CSMD1: variants seen among roughly 807,000 people sequenced by gnomAD.
The protein encoded by CSMD1 is CUB and sushi domain-containing protein 1.
CSMD1 carries 213 observed loss-of-function variants against 417.5 expected under a neutral mutation model. The ratio of observed to expected loss-of-function variants is 0.51; its 90% CI spans 0.46 to 0.57. The LOEUF is 0.57. Among genes scored for constraint, CSMD1 ranks in the 20% least tolerant of loss-of-function variants. CSMD1 has a pLI of 0.00. For synonymous variants in CSMD1, 2,862 were observed against 1,736.8 expected, an observed-to-expected ratio of 1.65 and a Z score of -16.11; for missense variants, 6,923 against 4,529.7, an observed-to-expected ratio of 1.53 and a Z score of -15.17.
intron 3 of CSMD1, among the ~76,000 whole-genome samples, chr8:4,073,122 G>C (rs565201455): frequency 3.3e-5 from 5 of 152,130 alleles, no homozygotes; most frequent in East Asian, 3.9e-4. Flanking sequence ...CATGATTCTA[G>C]AAATTGGCAG....
intron 2 of CSMD1, among the ~76,000 whole-genome samples, chr8:4,632,931 A>C (rs541336349): frequency 6.6e-6 from 1 of 152,340 alleles, no homozygotes; most frequent in East Asian, 1.9e-4. Flanking sequence ...CAACTGAACA[A>C]GGATACTTTT....
intron 18 of CSMD1, among the ~76,000 whole-genome samples, chr8:3,372,002 G>C (rs566302659): frequency 6.6e-6 from 1 of 152,272 alleles, no homozygotes; most frequent in African/African-American, 2.4e-5. Flanking sequence ...TAAAATATCT[G>C]CCCTTCTAAA....
intron 7 of CSMD1, among the ~76,000 whole-genome samples, chr8:3,707,058 C>A (rs1172243223): frequency 6.6e-6 from 1 of 151,906 alleles, no homozygotes; most frequent in African/African-American, 2.4e-5. Flanking sequence ...TATGGTAGCT[C>A]CTCTCTGCCT....
At chr8:3,947,445 G>T (rs561860005) in intron 5 of CSMD1, among the ~76,000 whole-genome samples, 5 of 152,076 alleles carry the variant, frequency 3.3e-5, no homozygotes, top group Admixed American at 2.0e-4. Flanking sequence ...TTTTTAAAAG[G>T]TTTTTTCTGT....
At chr8:3,568,635 A>G (rs776653232) in intron 10 of CSMD1, among the ~76,000 whole-genome samples, 10 of 152,142 alleles carry the variant, frequency 6.6e-5, no homozygotes, top group Non-Finnish European at 1.3e-4. Context: ...GAGCTATATA[A>G]CAGAAACTTT....
At position 3,572,165 on chromosome 8, in the gene CSMD1, G is replaced by A. The variant is rs368292989; in HGVS notation, c.1344+2780C>T. On this transcript the variant is annotated intron_variant, in intron 10 of 69. Transcript: ENST00000635120. Reference sequence around the variant, plus strand: ...GTTTTCTGCCCGACCCATTACAGGGGCGCATTCGAGCACTCCTTCTCCACC... The same window carrying A: ...GTTTTCTGCCCGACCCATTACAGGGACGCATTCGAGCACTCCTTCTCCACC... Among the ~76,000 whole-genome samples, 19 of 152,290 alleles carry A rather than the reference G, an allele frequency of 1.2e-4. No individual in the cohort carries two copies. In the South Asian group the frequency reaches 3.3e-3, roughly 27 times the overall value.
intron 2 of CSMD1, among the ~76,000 whole-genome samples, chr8:4,611,925 T>C (rs564674604): frequency 1.3e-5 from 2 of 152,206 alleles, no homozygotes; most frequent in Non-Finnish European, 2.9e-5. Context: ...CATTCCTGAA[T>C]AGTTACTTGT....
intron 51 of CSMD1, among the ~76,000 whole-genome samples, chr8:3,026,390 C>T (rs1416090375): frequency 6.6e-6 from 1 of 152,144 alleles, no homozygotes; most frequent in Non-Finnish European, 1.5e-5. Flanking sequence ...CTGGACCTCA[C>T]TCGGCCTCAC....
intron 8 of CSMD1, among the ~76,000 whole-genome samples, chr8:3,600,436 A>G (rs1220129157): frequency 6.6e-6 from 1 of 152,214 alleles, no homozygotes; most frequent in African/African-American, 2.4e-5. Context: ...TCTCTAAACC[A>G]GCAGTTCTCA....
At chr8:3,294,400 G>C (rs959887287) in intron 25 of CSMD1, among the ~76,000 whole-genome samples, 1 of 152,298 alleles carries the variant, frequency 6.6e-6, no homozygotes, top group Admixed American at 6.5e-5. Flanking sequence ...CCTTCTGTTG[G>C]TCTGTGCCCT....
chr8:3,779,196 T>G (rs933988619), intron 5 of CSMD1, among the ~76,000 whole-genome samples: 1 of 150,170 alleles, frequency 6.7e-6, no homozygotes, highest in Non-Finnish European at 1.5e-5. Flanking sequence ...TGTGCAGTAT[T>G]TGAGAGGGTG....
At position 3,993,661 on chromosome 8, in the gene CSMD1, T is replaced by C. The variant is rs148499157; in HGVS notation, c.818+4242A>G. Among the ~76,000 whole-genome samples the C allele has an allele frequency of 4.0e-3, 612 of 152,222 alleles. 1 individual carries two copies. The highest frequency in any genetic ancestry group is 0.014 in the African/African-American group (590 of 41,546). On this transcript the variant is annotated intron_variant, in intron 5 of 69. Transcript: ENST00000635120. ...TCAAGTTATGCTGGTTCATGAAAAA[T>C]AGAGCTTACACCTTAAAAAATCATA...
chr8:4,969,856 A>C (rs1019925010), intron 1 of CSMD1, among the ~76,000 whole-genome samples: 1 of 151,826 alleles, frequency 6.6e-6, no homozygotes, highest in Non-Finnish European at 1.5e-5. Flanking sequence ...TTACTTAAAC[A>C]AGTAGGATAT....
At chr8:4,379,633 C>A (rs1477580134) in intron 3 of CSMD1, among the ~76,000 whole-genome samples, 1 of 151,470 alleles carries the variant, frequency 6.6e-6, no homozygotes, top group African/African-American at 2.4e-5. Flanking sequence ...TTTATTAACA[C>A]CAAAATGAGT....
In CSMD1 at chr8:3,149,713, C is replaced by A. The variant is rs375604972; in HGVS notation, c.6031+1684G>T. On this transcript the variant is annotated intron_variant, in intron 40 of 69. Transcript: ENST00000635120. ...GGATGATCTCGATCTCCTGACCTTG[C>A]GATCCACCGGCCTTCGCCTCCCAAT... is the stretch of plus-strand genomic sequence containing the variant. Among the ~76,000 whole-genome samples the A allele has an allele frequency of 2.6e-5, 4 of 152,212 alleles. No homozygotes were observed. In the East Asian group the frequency reaches 7.8e-4, roughly 29 times the overall value.
At chr8:3,763,847 A>G (rs1445059731) in intron 5 of CSMD1, among the ~76,000 whole-genome samples, 1 of 152,130 alleles carries the variant, frequency 6.6e-6, no homozygotes, top group African/African-American at 2.4e-5. Flanking sequence ...ATTCACATGG[A>G]ATGATTTCCT....
chr8:3,177,405 T>C (rs1821009437), intron 37 of CSMD1, among the ~76,000 whole-genome samples: 1 of 152,168 alleles, frequency 6.6e-6, no homozygotes, highest in Non-Finnish European at 1.5e-5. Context: ...GCTTTGCTCT[T>C]AGGAAACACA....
intron 5 of CSMD1, among the ~76,000 whole-genome samples, chr8:3,876,497 G>A (rs181501893): frequency 7.2e-5 from 11 of 152,294 alleles, no homozygotes; most frequent in Admixed American, 6.5e-4. Flanking sequence ...ATATGTAAGT[G>A]TGTAAGTGTG....
In CSMD1 at chr8:3,000,000, G is replaced by A; in HGVS notation, c.8161C>T (p.Leu2721=). The A allele has an allele frequency of 6.2e-7, 1 of 1,609,210 alleles. No homozygotes were observed. Among genetic ancestry groups the A allele is most frequent in the Non-Finnish European group, 8.5e-7 (1 of 1,179,058 alleles). ...RLVGTSVRIC[L]QDHKWSGQTP... is the part of the protein sequence containing the mutation. ...TGTCCAGACCACTTGTGGTCTTGCA[G>A]GCATATCCTCACGGAAGTTCCCACA... The change falls in exon 53 of 70, where the codon CTG becomes TTG. Residue 2721 remains leucine (L), a synonymous_variant. Coordinates refer to ENST00000635120, the MANE Select transcript of CSMD1 (RefSeq NM_033225.6).
Sources: allele counts gnomAD v4.1 joint callset (sites outside exome capture counted in the v4.1 genomes callset), GRCh38; gene constraint gnomAD v4.1.1; transcripts MANE v1.5; gene names NCBI Gene and HGNC (gene_info 2026-07-23, HGNC 2026-07-21).